TMCO4: variants seen among roughly 807,000 people sequenced by gnomAD.
TMCO4 encodes the protein transmembrane and coiled-coil domains 4, also known as transmembrane and coiled-coil domain-containing protein 4.
TMCO4 carries 58 observed loss-of-function variants against 64.7 expected under a neutral mutation model. The ratio of observed to expected loss-of-function variants is 0.90; its 90% CI spans 0.73 to 1.12. TMCO4 has a LOEUF of 1.12. Ranked by LOEUF, TMCO4 falls within the 50% of genes most tolerant of loss-of-function variation. The pLI is 0.00. For missense variants in TMCO4, 780 were observed against 825.9 expected, an observed-to-expected ratio of 0.94 and a Z score of 0.68; for synonymous variants, 325 against 346.1, an observed-to-expected ratio of 0.94 and a Z score of 0.68.
At chr1:19,762,120 T>A (rs1445089273) in intron 6 of TMCO4, among the ~76,000 whole-genome samples, 4 of 152,234 alleles carry the variant, frequency 2.6e-5, no homozygotes, top group Admixed American at 6.5e-5. Flanking sequence ...AATTATGTGA[T>A]GCCAACATTT....
Position 19,739,871 on chromosome 1 carries a change from C to T in TMCO4, c.1132G>A (p.Ala378Thr). The T allele has an allele frequency of 6.2e-7, 1 of 1,613,980 alleles. No individual in the cohort carries two copies. The highest frequency in any genetic ancestry group is 8.5e-7 in the Non-Finnish European group (1 of 1,179,966). Residue 378 changes from alanine to threonine, a missense_variant, in exon 12 of 16, where the codon GCA becomes ACA. Ala to Thr is a moderately conservative substitution (Grantham distance 58). Coordinates refer to ENST00000294543, the MANE Select transcript of TMCO4 (RefSeq NM_181719.7). ...NPWGVCLHRSAEVGKHLAHIL... is the reference protein window; with the variant it reads ...NPWGVCLHRSTEVGKHLAHIL... ...TGGGCCAGGTGCTTGCCAACCTCTG[C>T]TGATCGATGGAGACACACCCCCCAG...
chr1:19,776,940 T>C (rs1238041508), intron 4 of TMCO4, among the ~76,000 whole-genome samples: 1 of 147,048 alleles, frequency 6.8e-6, no homozygotes, highest in African/African-American at 2.5e-5. Context: ...GGCAAGAGAA[T>C]TGCTTGAATC....
chr1:19,695,346 A>G (rs1378250902), intron 14 of TMCO4, among the ~76,000 whole-genome samples: 2 of 152,182 alleles, frequency 1.3e-5, no homozygotes, highest in Non-Finnish European at 2.9e-5. Context: ...TTCCCTCGCA[A>G]ACCCTTGAAC....
rs1267063539 is a variant in TMCO4, at chr1:19,745,548, G to A, written c.861C>T (p.Leu287=). The A allele has an allele frequency of 6.8e-6, 11 of 1,614,098 alleles. No individual in the cohort carries two copies. The highest frequency in any genetic ancestry group is 3.3e-5 in the Admixed American group (2 of 60,010). Residue 287 remains leucine, a synonymous_variant, in exon 10 of 16, where the codon CTC becomes CTT. Transcript: ENST00000294543. ...GGTCCTCACGGTATTTGCCAGAAGC[G>A]AGCCACCCCGTGACGGCGATGGTGA... ...LHITIAVTGW[L]ASGKYRTFSA...
chr1:19,690,505 T>C (rs2095184492), intron 15 of TMCO4, among the ~76,000 whole-genome samples: 1 of 152,220 alleles, frequency 6.6e-6, no homozygotes. Flanking sequence ...CTTGCTCTTG[T>C]GTCGGTGTTT....
chr1:19,698,997 C>G (rs555263187), intron 14 of TMCO4, among the ~76,000 whole-genome samples: 1 of 152,264 alleles, frequency 6.6e-6, no homozygotes, highest in Admixed American at 6.5e-5. Flanking sequence ...GAGATTGAGA[C>G]CATCCTGGCT....
intron 13 of TMCO4, among the ~76,000 whole-genome samples, chr1:19,724,764 T>C (rs1005789232): frequency 2.0e-5 from 3 of 152,066 alleles, no homozygotes; most frequent in African/African-American, 7.2e-5. Context: ...TCTTTTGTTT[T>C]TCTTTTTTCT....
chr1:19,784,259 C>T (rs752179450), intron 3 of TMCO4, among the ~76,000 whole-genome samples: 9 of 152,158 alleles, frequency 5.9e-5, no homozygotes, highest in Non-Finnish European at 1.3e-4. Context: ...TCAGGCTGGG[C>T]GCGGTAGCTC....
chr1:19,725,515 A>C (rs1240681081), intron 13 of TMCO4, among the ~76,000 whole-genome samples: 2 of 152,194 alleles, frequency 1.3e-5, no homozygotes, highest in Admixed American at 6.5e-5. Context: ...CCCCCTTGTG[A>C]TCAGGGCCCA....
chr1:19,760,631 G>A (rs963091027), intron 6 of TMCO4, among the ~76,000 whole-genome samples: 3 of 152,178 alleles, frequency 2.0e-5, no homozygotes, highest in South Asian at 2.1e-4. Context: ...CCCAAAGTAC[G>A]TGGTGGGATT....
chr1:19,777,026 C>CAAAAAAA (rs59722797), intron 4 of TMCO4, among the ~76,000 whole-genome samples: 3 of 82,776 alleles, frequency 3.6e-5, no homozygotes, highest in Non-Finnish European at 4.7e-5. Flanking sequence ...GACACTGTCT[C>CAAAAAAA]AAAAAAAAAA....
chr1:19,710,168 G>A (rs1405544871), intron 13 of TMCO4, among the ~76,000 whole-genome samples: 3 of 151,996 alleles, frequency 2.0e-5, no homozygotes, highest in African/African-American at 7.3e-5. Context: ...TGCAAGTGGT[G>A]TGATCATAGC....
chr1:19,742,485 C>T (rs2095484030), intron 10 of TMCO4, among the ~76,000 whole-genome samples: 1 of 152,206 alleles, frequency 6.6e-6, no homozygotes, highest in Non-Finnish European at 1.5e-5. Context: ...CACGTCCGCA[C>T]AAGGACAATA....
intron 4 of TMCO4, among the ~76,000 whole-genome samples, 189 bp downstream of exon 4, chr1:19,780,391 C>A (rs959475724): frequency 2.0e-5 from 3 of 152,186 alleles, no homozygotes; most frequent in African/African-American, 7.2e-5. Flanking sequence ...TGCTGTGCGG[C>A]CAGGTTCCTA....
rs145770631 is a variant in TMCO4, at chr1:19,761,910, C to T, written c.383-6144G>A. On this transcript the variant is annotated intron_variant, in intron 6 of 15. Coordinates refer to ENST00000294543, the MANE Select transcript of TMCO4 (RefSeq NM_181719.7). ...TGCCACCTCTGCAGGGAAGGGAACCCGGCATCCCTGGCCTGCTCCTAAGCA... is the reference window on the plus strand; with the variant it reads ...TGCCACCTCTGCAGGGAAGGGAACCTGGCATCCCTGGCCTGCTCCTAAGCA... Among the ~76,000 whole-genome samples the T allele has an allele frequency of 7.2e-5, 11 of 152,332 alleles. No individual in the cohort carries two copies. In the South Asian group the frequency reaches 8.3e-4, roughly 11 times the overall value.
chr1:19,723,292 G>A (rs573559121), intron 13 of TMCO4, among the ~76,000 whole-genome samples: 2 of 152,282 alleles, frequency 1.3e-5, no homozygotes, highest in African/African-American at 4.8e-5. Flanking sequence ...TGAATTTTTG[G>A]ATTTGGGATG....
At chr1:19,689,138 G>C (rs1306235895) in intron 15 of TMCO4, among the ~76,000 whole-genome samples, 1 of 152,162 alleles carries the variant, frequency 6.6e-6, no homozygotes, top group Non-Finnish European at 1.5e-5. Flanking sequence ...GGGAGCAGAG[G>C]GTGGCCAGCA....
rs775815849 is a variant in TMCO4, at chr1:19,739,889, C to A, written c.1114G>T (p.Val372Leu). ...ACCTCTGCTGATCGATGGAGACACA[C>A]CCCCCAGGGGTTGTCGATGACATTG... Reference protein sequence around the residue: ...VANVIDNPWGVCLHRSAEVGK... With the variant: ...VANVIDNPWGLCLHRSAEVGK... The change falls in exon 12 of 16, where the codon GTG (valine) becomes TTG (leucine). Residue 372 changes from valine to leucine, a missense_variant. Coordinates refer to ENST00000294543, the MANE Select transcript of TMCO4 (RefSeq NM_181719.7). 1.2e-6 allele frequency: 2 copies of A among 1,613,784 alleles called. No homozygotes were observed. Among genetic ancestry groups the A allele is most frequent in the Non-Finnish European group, 1.7e-6 (2 of 1,179,872 alleles).
chr1:19,759,910 G>A (rs2042422938), intron 6 of TMCO4, among the ~76,000 whole-genome samples: 1 of 152,230 alleles, frequency 6.6e-6, no homozygotes, highest in African/African-American at 2.4e-5. Flanking sequence ...TAGTTAAGAT[G>A]TGTTGAGTCA....
Sources: gnomAD v4.1 joint callset for allele counts (sites outside exome capture counted in the v4.1 genomes callset) on GRCh38, gnomAD v4.1.1 for gene constraint, MANE v1.5 for transcripts, NCBI Gene and HGNC (gene_info 2026-07-23, HGNC 2026-07-21) for gene names.